Variants in ATP8B1 observed in about 807,000 individuals in gnomAD.
ATP8B1 encodes the protein ATPase phospholipid transporting 8B1, also known as phospholipid-transporting ATPase IC.
A neutral mutation model predicts 149.9 loss-of-function variants in ATP8B1; 80 were observed. The observed-to-expected ratio is 0.53, with a 90% confidence interval of 0.45 to 0.64. The LOEUF (loss-of-function observed/expected upper bound fraction) is 0.64. Ranked by LOEUF, ATP8B1 falls within the 30% of genes least tolerant of loss-of-function variation. ATP8B1 has a pLI of 0.00. For missense variants in ATP8B1, 1,247 were observed against 1,552.6 expected (o/e 0.80, Z 3.31); for synonymous variants, 536 against 562.8 (o/e 0.95, Z 0.67).
chr18:57,655,409 T>C lies in ATP8B1; in HGVS notation c.2716A>G (p.Ile906Val), dbSNP rs147888052. Reference sequence around the variant, plus strand: ...TCTTGTCCACTTATTCCAACGCCAATGTGGGCAGCTATGGGGCAGAGGGAG... The same window carrying C: ...TCTTGTCCACTTATTCCAACGCCAACGTGGGCAGCTATGGGGCAGAGGGAG... ...NDVNMIKTAH[I>V]GVGISGQEGM... is the part of the protein sequence containing the mutation. Residue 906 changes from isoleucine to valine, a missense_variant, in exon 23 of 28, where the codon ATT (isoleucine) becomes GTT (valine). Ile to Val is a conservative substitution (Grantham distance 29, BLOSUM62 3). Around this residue, in one of 3 missense-constraint regions of ATP8B1, gnomAD observed 230 missense variants for 356.6 expected, o/e 0.65. Coordinates refer to ENST00000648908, the MANE Select transcript of ATP8B1 (RefSeq NM_001374385.1). 5.6e-6 allele frequency: 9 copies of C among 1,613,990 alleles called. No individual in the cohort carries two copies. The African/African-American group carries it at 1.2e-4, about 22-fold the overall frequency.
chr18:57,667,229 T>G (rs12970592), intron 19 of ATP8B1, 62 bp from the exon 20 acceptor site: 1 of 1,412,836 alleles, frequency 7.1e-7, no homozygotes, highest in Non-Finnish European at 9.9e-7. Flanking sequence ...TTTTATTTTG[T>G]TTTTTGAGAC....
intron 1 of ATP8B1, among the ~76,000 whole-genome samples, chr18:57,771,277 T>A (rs2080260755): frequency 6.6e-6 from 1 of 152,222 alleles, no homozygotes; most frequent in African/African-American, 2.4e-5. Context: ...ATGGAGCTGT[T>A]TCTGTAGGAG....
At chr18:57,717,584 A>AAAAT (rs2079595801) in intron 2 of ATP8B1, among the ~76,000 whole-genome samples, 1 of 138,198 alleles carries the variant, frequency 7.2e-6, no homozygotes, top group Non-Finnish European at 1.6e-5. Context: ...AAAAAAAAAA[A>AAAAT]AAAAGAACTA....
chr18:57,765,937 A>C (rs1437749627), intron 1 of ATP8B1, among the ~76,000 whole-genome samples: 7 of 150,910 alleles, frequency 4.6e-5, no homozygotes, highest in Non-Finnish European at 8.9e-5. Context: ...ATGCTATTGC[A>C]CTCCAGCTGG....
At chr18:57,713,201 TTCCTTCCTTCCTTCC>T (rs1913795314) in intron 2 of ATP8B1, among the ~76,000 whole-genome samples, 2 of 70,972 alleles carry the variant, frequency 2.8e-5, no homozygotes, top group African/African-American at 9.6e-5. Flanking sequence ...CTTTCTTTCC[TTCCTTCCTTCCTTCC>T]TTCCTTCCTT....
intron 1 of ATP8B1, among the ~76,000 whole-genome samples, chr18:57,733,532 C>T (rs1038262057): frequency 6.6e-6 from 1 of 151,978 alleles, no homozygotes; most frequent in African/African-American, 2.4e-5. Flanking sequence ...CAGTGAAACC[C>T]CGTTTCTACT....
At chr18:57,719,285 G>A (rs1178777836) in intron 2 of ATP8B1, among the ~76,000 whole-genome samples, 3 of 152,224 alleles carry the variant, frequency 2.0e-5, no homozygotes, top group Non-Finnish European at 4.4e-5. Context: ...AACAGCTCCG[G>A]TCTACAGCTC....
At chr18:57,711,601 A>AT (rs949070130) in intron 2 of ATP8B1, among the ~76,000 whole-genome samples, 1 of 152,158 alleles carries the variant, frequency 6.6e-6, no homozygotes. Flanking sequence ...TCTTTTTGTC[A>AT]TTTTTTTAAA....
At chr18:57,714,538 C>A (rs1913908205) in intron 2 of ATP8B1, among the ~76,000 whole-genome samples, 1 of 137,490 alleles carries the variant, frequency 7.3e-6, no homozygotes, top group South Asian at 2.5e-4. Flanking sequence ...CCCCCTAGCT[C>A]TGGGTGGCCC....
chr18:57,713,964 A>G (rs1913874724), intron 2 of ATP8B1, among the ~76,000 whole-genome samples: 1 of 152,056 alleles, frequency 6.6e-6, no homozygotes, highest in South Asian at 2.1e-4. Flanking sequence ...ACAGTGGGGT[A>G]AAGCAACAAA....
intron 1 of ATP8B1, among the ~76,000 whole-genome samples, chr18:57,747,979 A>G (rs1030759208): frequency 2.6e-5 from 4 of 152,218 alleles, no homozygotes; most frequent in Non-Finnish European, 5.9e-5. Context: ...TGAAATATCT[A>G]CAGAGCTTCC....
chr18:57,680,615 CAAAAA>C (rs773143491), intron 15 of ATP8B1, among the ~76,000 whole-genome samples: 54 of 137,782 alleles, frequency 3.9e-4, no homozygotes, highest in Non-Finnish European at 6.0e-4. Flanking sequence ...CAAAACAAAA[CAAAAA>C]AAAAACCACA....
chr18:57,774,862 C>T (rs1226949550), intron 1 of ATP8B1, among the ~76,000 whole-genome samples: 1 of 152,174 alleles, frequency 6.6e-6, no homozygotes, highest in East Asian at 1.9e-4. Context: ...ATATCATCAA[C>T]GTGTGATAAA....
rs1169794286 is a variant in ATP8B1 at position 57,799,663 on chromosome 18, C to T, written c.-26+3335G>A. Reference sequence around the variant, plus strand: ...AGAGGAGGTTGCAGTGAGATTACACCACTTGCACTCCAGTCTGGGCGACAG... The same window carrying T: ...AGAGGAGGTTGCAGTGAGATTACACTACTTGCACTCCAGTCTGGGCGACAG... On this transcript the variant is annotated intron_variant, in intron 1 of 27. Coordinates refer to ENST00000648908, the MANE Select transcript of ATP8B1 (RefSeq NM_001374385.1). Among the ~76,000 whole-genome samples, 8 of 147,404 alleles carry T rather than the reference C, an allele frequency of 5.4e-5. No individual in the cohort carries two copies. In the East Asian group the frequency reaches 1.6e-3, roughly 29 times the overall value.
chr18:57,797,921 G>A (rs2080532339), intron 1 of ATP8B1, among the ~76,000 whole-genome samples: 3 of 151,918 alleles, frequency 2.0e-5, no homozygotes, highest in South Asian at 4.2e-4. Flanking sequence ...GGGCAGGCTG[G>A]TCTTGAACTC....
At chr18:57,761,139 TAAAATAAA>T (rs2080153868) in intron 1 of ATP8B1, among the ~76,000 whole-genome samples, 2 of 123,114 alleles carry the variant, frequency 1.6e-5, no homozygotes, top group African/African-American at 6.2e-5. Flanking sequence ...TAAAATAAAA[TAAAATAAA>T]ATAAAGAAGC....
intron 1 of ATP8B1, among the ~76,000 whole-genome samples, chr18:57,789,834 T>C (rs1156532029): frequency 5.3e-5 from 8 of 152,180 alleles, no homozygotes; most frequent in African/African-American, 1.7e-4. Context: ...TAGTGCAAAC[T>C]AAAAGGCTGA....
rs1568186956 is a variant in ATP8B1 at position 57,668,415 on chromosome 18, G to A, written c.2209+14C>T. 1.9e-6 allele frequency: 3 copies of A among 1,573,192 alleles called. No homozygotes were observed. Among genetic ancestry groups the A allele is most frequent in the Non-Finnish European group, 2.6e-6 (3 of 1,142,976 alleles). On this transcript the variant is annotated intron_variant, in intron 19 of 27. Transcript: ENST00000648908. Reference sequence around the variant, plus strand: ...TGTGAATTAACAGATATGCTTCCCTGCACAATGAATTACCCTTTTTGTCTC... The same window carrying A: ...TGTGAATTAACAGATATGCTTCCCTACACAATGAATTACCCTTTTTGTCTC...
chr18:57,794,197 G>A (rs1301082540), intron 1 of ATP8B1, among the ~76,000 whole-genome samples: 3 of 152,050 alleles, frequency 2.0e-5, no homozygotes, highest in Non-Finnish European at 2.9e-5. Context: ...TTTTAAACAC[G>A]TAAATCCTTA....
Sources: gnomAD v4.1 joint callset for allele counts (sites outside exome capture counted in the v4.1 genomes callset) on GRCh38, gnomAD v4.1.1 for gene constraint, gnomAD v4.1.1 regional missense constraint, MANE v1.5 for transcripts, NCBI Gene and HGNC (gene_info 2026-07-23, HGNC 2026-07-21) for gene names.